Variants in SMG6 observed in about 807,000 individuals in gnomAD.
The protein encoded by SMG6 is telomerase-binding protein EST1A.
Under a neutral mutation model 142.2 loss-of-function variants are expected in SMG6, and 66 were observed. The observed-to-expected ratio is 0.46, with a 90% CI of 0.38 to 0.57. The LOEUF is 0.57. Among genes scored for constraint, SMG6 ranks in the 20% least tolerant of loss-of-function variants. The probability of loss-of-function intolerance (pLI) is 0.00; values close to 1 mark genes in which losing one functional copy is unlikely to be tolerated. For missense variants in SMG6, 1,793 were observed against 1,832.0 expected, an observed-to-expected ratio of 0.98 and a Z score of 0.39; for synonymous variants, 779 against 702.4, an observed-to-expected ratio of 1.11 and a Z score of -1.72.
At chr17:2,070,996 G>T (rs765264839) in intron 15 of SMG6, among the ~76,000 whole-genome samples, 5 of 152,178 alleles carry the variant, frequency 3.3e-5, no homozygotes, top group Non-Finnish European at 4.4e-5. Context: ...CAGGCCATGC[G>T]CTCTCCGTCT....
chr17:2,268,651 CT>C (rs1426178989), intron 8 of SMG6, among the ~76,000 whole-genome samples: 2 of 152,250 alleles, frequency 1.3e-5, no homozygotes, highest in Non-Finnish European at 2.9e-5. Context: ...GTGGCTCACG[CT>C]TATAATCCCA....
intron 12 of SMG6, among the ~76,000 whole-genome samples, chr17:2,182,498 G>A (rs1460825809): frequency 1.3e-5 from 2 of 152,102 alleles, no homozygotes; most frequent in African/African-American, 2.4e-5. Context: ...AGTCCAGGGG[G>A]TACATCTTGA....
chr17:2,123,630 C>G (rs1217121190), intron 13 of SMG6, among the ~76,000 whole-genome samples: 1 of 152,156 alleles, frequency 6.6e-6, no homozygotes, highest in South Asian at 2.1e-4. Flanking sequence ...AAAGGGAAGT[C>G]GAGCTCTCAT....
intron 13 of SMG6, among the ~76,000 whole-genome samples, chr17:2,149,437 A>T (rs974513005): frequency 1.2e-4 from 18 of 151,916 alleles, no homozygotes; most frequent in Non-Finnish European, 1.9e-4. Flanking sequence ...TAGAATGAAC[A>T]TTACTTAAAG....
intron 6 of SMG6, among the ~76,000 whole-genome samples, chr17:2,286,177 T>A (rs1031236653): frequency 1.3e-5 from 2 of 152,078 alleles, no homozygotes; most frequent in African/African-American, 4.8e-5. Context: ...GGCTTAATAT[T>A]TTGAAGATGG....
intron 8 of SMG6, among the ~76,000 whole-genome samples, chr17:2,259,415 T>C (rs965563382): frequency 1.3e-5 from 2 of 151,500 alleles, no homozygotes; most frequent in Non-Finnish European, 2.9e-5. Flanking sequence ...AAGGAAAGAG[T>C]CCTTCAAGGA....
chr17:2,150,243 C>A (rs1315917353), intron 13 of SMG6, among the ~76,000 whole-genome samples: 4 of 152,196 alleles, frequency 2.6e-5, no homozygotes, highest in Admixed American at 2.6e-4. Context: ...CTTCTGAGAA[C>A]CTAACTAATG....
At chr17:2,219,545 TTGAGAGGCCAAGG>T (rs1239518962) in intron 10 of SMG6, among the ~76,000 whole-genome samples, 1 of 151,858 alleles carries the variant, frequency 6.6e-6, no homozygotes, top group East Asian at 1.9e-4. Flanking sequence ...CCAGCGCATT[TTGAGAGGCCAAGG>T]TGAGAGGACT....
intron 10 of SMG6, among the ~76,000 whole-genome samples, chr17:2,227,145 C>A (rs763911686): frequency 3.9e-5 from 6 of 152,288 alleles, no homozygotes; most frequent in South Asian, 2.1e-4. Flanking sequence ...AATGGTCCAA[C>A]CACCACAGAA....
intron 13 of SMG6, among the ~76,000 whole-genome samples, chr17:2,114,952 AAAAAAATGAAATGAAATG>A (rs2069455895): frequency 6.9e-5 from 7 of 101,718 alleles, no homozygotes; most frequent in South Asian, 3.1e-4. Context: ...AAAATAAAAT[AAAAAAATGAAATGAAATG>A]AAATAAAATA....
At chr17:2,087,704 G>A (rs1035452357) in intron 13 of SMG6, 1 of 987,244 alleles carries the variant, frequency 1.0e-6, no homozygotes, top group Admixed American at 6.1e-5. Context: ...GATGAGGAAG[G>A]CTAGAAATAC....
At chr17:2,094,666 T>G (rs2151458701) in intron 13 of SMG6, 1 of 152,306 alleles carries the variant, frequency 6.6e-6, no homozygotes, top group Non-Finnish European at 1.5e-5. Flanking sequence ...ATTATAGGTG[T>G]TAGCCACCGT....
chr17:2,114,589 C>A (rs2069440020), intron 13 of SMG6, among the ~76,000 whole-genome samples: 1 of 151,972 alleles, frequency 6.6e-6, no homozygotes, highest in African/African-American at 2.4e-5. Flanking sequence ...ATACCCTTAT[C>A]TTGGGGCAAC....
At chr17:2,186,052 CCT>C (rs1355417941) in intron 12 of SMG6, among the ~76,000 whole-genome samples, 3 of 151,868 alleles carry the variant, frequency 2.0e-5, no homozygotes, top group Non-Finnish European at 2.9e-5. Context: ...ACGGCGAAAC[CCT>C]GTCTCTACCG....
In SMG6 at chr17:2,299,096, G is replaced by A; in HGVS notation, c.1657C>T (p.Gln553Ter). Reference protein sequence around the residue: ...YYPGYPTPSGQYVCSPLPTST... With the variant: ...YYPGYPTPSG ...GTAGGTAGAGGGCTACACACATACT[G>A]TCCTGACGGAGTCGGGTAGCCTGGG... The change falls in exon 2 of 19, where the codon CAG becomes TAG. Residue 553 changes from glutamine to a stop codon, truncating the protein, a stop_gained. Transcript: ENST00000263073. LOFTEE classifies it high-confidence loss of function. This position sits in a 1 kb window ranked among gnomAD's most constrained non-coding sequence, Gnocchi z 4.3. 1.2e-6 allele frequency: 2 copies of A among 1,614,174 alleles called. No homozygotes were observed. Among genetic ancestry groups the A allele is most frequent in the Non-Finnish European group, 1.7e-6 (2 of 1,180,020 alleles).
chr17:2,182,495 G>C (rs554156404), intron 12 of SMG6, among the ~76,000 whole-genome samples: 19 of 152,180 alleles, frequency 1.2e-4, no homozygotes, highest in African/African-American at 4.6e-4. Context: ...AACAGTCCAG[G>C]GGGTACATCT....
intron 13 of SMG6, among the ~76,000 whole-genome samples, chr17:2,129,224 G>A (rs2070018201): frequency 6.6e-6 from 1 of 152,098 alleles, no homozygotes; most frequent in Non-Finnish European, 1.5e-5. Context: ...TACTCAGGAG[G>A]GTGAGGTGGG....
At chr17:2,143,655 GTTGTAT>G in intron 13 of SMG6, among the ~76,000 whole-genome samples, 1 of 152,152 alleles carries the variant, frequency 6.6e-6, no homozygotes, top group East Asian at 1.9e-4. Context: ...AGTGGTGATT[GTTGTAT>G]TGCTCTATGA....
intron 8 of SMG6, 67 bp from the exon 9 acceptor site, chr17:2,244,786 TC>T: frequency 1.5e-6 from 2 of 1,353,564 alleles, no homozygotes; most frequent in African/African-American, 1.4e-5. Context: ...CTGAACAGAG[TC>T]CCCAGTGACA....
Sources: gnomAD v4.1 joint callset for allele counts (sites outside exome capture counted in the v4.1 genomes callset) on GRCh38, gnomAD v4.1.1 for gene constraint, Gnocchi (gnomAD v3.1) non-coding constraint, MANE v1.5 for transcripts, NCBI Gene and HGNC (gene_info 2026-07-23, HGNC 2026-07-21) for gene names.